CMIP: variants seen among roughly 807,000 people sequenced by gnomAD.
CMIP encodes the protein C-Maf-inducing protein.
Under a neutral mutation model 97.3 loss-of-function variants are expected in CMIP, and 13 were observed. The ratio of observed to expected loss-of-function variants is 0.13; its 90% CI spans 0.09 to 0.21. The LOEUF (loss-of-function observed/expected upper bound fraction) is 0.21. Among genes scored for constraint, CMIP ranks in the 10% least tolerant of loss-of-function variants. CMIP has a pLI of 1.00. For synonymous variants in CMIP, 538 were observed against 436.3 expected (o/e 1.23, Z -2.91); for missense variants, 847 against 1,024.9 (o/e 0.83, Z 2.37).
chr16:81,596,135 CAGAGATACCAAGCGACTTG>C (rs2091551545), intron 1 of CMIP, among the ~76,000 whole-genome samples: 1 of 152,098 alleles, frequency 6.6e-6, no homozygotes, highest in Non-Finnish European at 1.5e-5. Context: ...AGTGGAGGCT[CAGAGATACCAAGCGACTTG>C]CCTAAGGCCA....
intron 10 of CMIP, among the ~76,000 whole-genome samples, chr16:81,688,993 T>C (rs897394688): frequency 6.6e-6 from 1 of 152,232 alleles, no homozygotes; most frequent in Non-Finnish European, 1.5e-5. Flanking sequence ...GAACTCATCC[T>C]TTTTTATGGC....
intron 1 of CMIP, among the ~76,000 whole-genome samples, chr16:81,535,335 C>G (rs1052319566): frequency 6.6e-6 from 1 of 152,146 alleles, no homozygotes; most frequent in African/African-American, 2.4e-5. Flanking sequence ...CAAGGTCACA[C>G]AGCCAAATGC....
In CMIP at chr16:81,600,779, G is replaced by A. The variant is rs531365612; in HGVS notation, c.301-6788G>A. Reference sequence around the variant, plus strand: ...TTTGAATTTTAGAAATGCAGCCAGGGGAGGTGGGGACTGAAGCCCATTCTC... The same window carrying A: ...TTTGAATTTTAGAAATGCAGCCAGGAGAGGTGGGGACTGAAGCCCATTCTC... On this transcript the variant is annotated intron_variant, in intron 1 of 20. Coordinates refer to ENST00000537098, the MANE Select transcript of CMIP (RefSeq NM_198390.3). 2.0e-5 allele frequency among the ~76,000 whole-genome samples: 3 copies of A among 152,332 alleles called. No homozygotes were observed. In the South Asian group the frequency reaches 6.2e-4, roughly 32 times the overall value.
At chr16:81,613,418 G>T (rs1217212184) in intron 2 of CMIP, among the ~76,000 whole-genome samples, 1 of 152,120 alleles carries the variant, frequency 6.6e-6, no homozygotes, top group African/African-American at 2.4e-5. Flanking sequence ...ACTTCCCTGG[G>T]CACTAGCTCT....
At chr16:81,593,545 G>A (rs567764126) in intron 1 of CMIP, among the ~76,000 whole-genome samples, 3 of 152,322 alleles carry the variant, frequency 2.0e-5, no homozygotes, top group Admixed American at 6.5e-5. Flanking sequence ...TTTCCTCTCC[G>A]CTCTTTTCGG....
At chr16:81,649,261 G>C (rs565828978) in intron 3 of CMIP, among the ~76,000 whole-genome samples, 1 of 152,364 alleles carries the variant, frequency 6.6e-6, no homozygotes, top group South Asian at 2.1e-4. Flanking sequence ...ATGGATGCCT[G>C]TGAGGCAAGG....
intron 1 of CMIP, among the ~76,000 whole-genome samples, 181 bp from the exon 2 acceptor site, chr16:81,607,386 G>A (rs143958509): frequency 1.3e-5 from 2 of 152,340 alleles, no homozygotes; most frequent in East Asian, 3.9e-4. Flanking sequence ...CCCCCTTGCA[G>A]CTGGATATGG....
At chr16:81,667,010 C>A (rs545354190) in intron 7 of CMIP, 9 of 152,068 alleles carry the variant, frequency 5.9e-5, no homozygotes, top group Admixed American at 5.2e-4. Context: ...CGTACCTAGC[C>A]TGCCTAAGCC....
At chr16:81,506,523 G>A (rs1405349585) in intron 1 of CMIP, among the ~76,000 whole-genome samples, 1 of 152,222 alleles carries the variant, frequency 6.6e-6, no homozygotes, top group African/African-American at 2.4e-5. Context: ...AGATTAAAAT[G>A]GGTAATGGAA....
chr16:81,475,203 T>TA (rs1490447588), intron 1 of CMIP, among the ~76,000 whole-genome samples: 1 of 152,024 alleles, frequency 6.6e-6, no homozygotes, highest in African/African-American at 2.4e-5. Flanking sequence ...TCTAGGTGCA[T>TA]AAAAAAAATT....
At chr16:81,547,050 G>A (rs1395105848) in intron 1 of CMIP, among the ~76,000 whole-genome samples, 1 of 152,198 alleles carries the variant, frequency 6.6e-6, no homozygotes, top group Non-Finnish European at 1.5e-5. Flanking sequence ...TGACAGTACA[G>A]GGCAGTCTGG....
At chr16:81,629,792 G>A (rs187979446) in intron 3 of CMIP, among the ~76,000 whole-genome samples, 24 of 152,358 alleles carry the variant, frequency 1.6e-4, no homozygotes, top group Admixed American at 9.1e-4. Context: ...AGAATCGTCC[G>A]TGAAGAGGCT....
In CMIP at chr16:81,645,388, C is replaced by CAGCAGCAG. The variant is rs79642080; in HGVS notation, c.478-6798_478-6791dup. ...CGCGCGCGAGCCCCAGAGGCTGCGG[C>CAGCAGCAG]AGCAGCAGAGCAGCAGAGCAGCAGC... On this transcript the variant is annotated intron_variant, in intron 3 of 20. Coordinates refer to ENST00000537098, the MANE Select transcript of CMIP (RefSeq NM_198390.3). The CAGCAGCAG allele has an allele frequency of 5.3e-5, 78 of 1,461,646 alleles. No homozygotes were observed. In the Middle Eastern group the frequency reaches 7.1e-4, roughly 13 times the overall value. The allele number at this position is 1,461,646 out of a possible 1,614,324, so 90.5% of individuals were successfully genotyped here. A position where few individuals can be genotyped will look rare whatever the true frequency, so the allele number is the denominator to read the frequency against.
intron 7 of CMIP, chr16:81,665,383 G>C (rs1443186257): frequency 2.0e-5 from 3 of 152,160 alleles, no homozygotes. Flanking sequence ...ACACTTTCTT[G>C]GAGTCAAGAG....
At chr16:81,618,229 T>C (rs913896283) in intron 2 of CMIP, among the ~76,000 whole-genome samples, 7 of 152,242 alleles carry the variant, frequency 4.6e-5, no homozygotes. Context: ...GTCAGGACTA[T>C]GTTCCTTCTG....
intron 6 of CMIP, among the ~76,000 whole-genome samples, chr16:81,661,696 CT>C (rs2092548869): frequency 6.6e-6 from 1 of 152,180 alleles, no homozygotes; most frequent in Non-Finnish European, 1.5e-5. Context: ...CAGCAGGCCC[CT>C]GGGAGGAAAG....
chr16:81,448,676 G>A (rs371559883), intron 1 of CMIP, among the ~76,000 whole-genome samples: 79 of 152,364 alleles, frequency 5.2e-4, no homozygotes, highest in African/African-American at 1.5e-3. Context: ...GGCTTGTGAC[G>A]GCCGCCAGGT....
At chr16:81,684,103 A>G (rs914586720) in intron 10 of CMIP, among the ~76,000 whole-genome samples, 1 of 151,830 alleles carries the variant, frequency 6.6e-6, no homozygotes, top group Non-Finnish European at 1.5e-5. Flanking sequence ...GCACATGATA[A>G]CTCTAGAAAC....
intron 1 of CMIP, among the ~76,000 whole-genome samples, chr16:81,491,319 C>T (rs1353472677): frequency 1.3e-5 from 2 of 152,160 alleles, no homozygotes; most frequent in Non-Finnish European, 2.9e-5. Flanking sequence ...CACCGCATGG[C>T]TGTGTGAGAC....
Sources: allele counts gnomAD v4.1 joint callset (sites outside exome capture counted in the v4.1 genomes callset), GRCh38; gene constraint gnomAD v4.1.1; transcripts MANE v1.5; gene names NCBI Gene and HGNC (gene_info 2026-07-23, HGNC 2026-07-21).